The following KRTAP20-2 variants were observed in gnomAD, a reference collection of about 807,000 sequenced individuals.
KRTAP20-2 encodes the protein keratin-associated protein 20-2.
A neutral mutation model predicts 5.2 loss-of-function variants in KRTAP20-2; 7 were observed. That is an observed-to-expected ratio of 1.36 (90% confidence interval 0.77 to 2.55). The LOEUF (loss-of-function observed/expected upper bound fraction) is 2.55. KRTAP20-2 is among the 30% of genes most tolerant of loss of function. The pLI is 0.00. For missense variants in KRTAP20-2, 84 were observed against 84.0 expected (o/e 1.00, Z 0.00); for synonymous variants, 32 against 33.7 (o/e 0.95, Z 0.17).
Position 30,635,534 on chromosome 21 carries a change from A to G in KRTAP20-2, c.*73A>G. The G allele has an allele frequency of 4.2e-6, 6 of 1,417,748 alleles. No individual in the cohort carries two copies. Among genetic ancestry groups the G allele is most frequent in the Non-Finnish European group, 5.9e-6 (6 of 1,015,026 alleles). 87.8% of individuals were successfully genotyped at this position (1,417,748 alleles called of 1,614,324 possible). On this transcript the variant is annotated 3_prime_UTR_variant, in exon 1 of 1. Transcript: ENST00000330798. ...TAAATTTGCCTTCATAATTCTTCATATGAGTAATTCATTTTTCTGTTGTAA... is the reference window on the plus strand; with the variant it reads ...TAAATTTGCCTTCATAATTCTTCATGTGAGTAATTCATTTTTCTGTTGTAA...
rs1981156443 is a variant in KRTAP20-2, at chr21:30,635,543, T to C, written c.*82T>C. ...CTTCATAATTCTTCATATGAGTAAT[T>C]CATTTTTCTGTTGTAAAATGTCAAC... On this transcript the variant is annotated 3_prime_UTR_variant, in exon 1 of 1. Coordinates refer to ENST00000330798, the MANE Select transcript of KRTAP20-2 (RefSeq NM_181616.3). 7.3e-7 allele frequency: 1 copy of C among 1,363,818 alleles called. No individual in the cohort carries two copies. 84.5% of individuals were successfully genotyped at this position (1,363,818 alleles called of 1,614,324 possible).
chr21:30,635,355 G>T lies in KRTAP20-2; in HGVS notation c.92G>T (p.Gly31Val), dbSNP rs1343261495. Residue 31 changes from glycine (G) to valine (V), a missense_variant, in exon 1 of 1, where the codon GGC becomes GTC. By Grantham distance (109) the Gly-to-Val change is moderately radical. Coordinates refer to ENST00000330798, the MANE Select transcript of KRTAP20-2 (RefSeq NM_181616.3). ...GYGCGCGYGH[G>V]YGGLGCGYGR... ...GGCTGTGGCTGTGGTTATGGCCATGGCTATGGAGGCCTGGGCTGTGGCTAT... is the reference window on the plus strand; with the variant it reads ...GGCTGTGGCTGTGGTTATGGCCATGTCTATGGAGGCCTGGGCTGTGGCTAT... 1 of 1,611,422 alleles carries T rather than the reference G, an allele frequency of 6.2e-7. No individual in the cohort carries two copies. Among genetic ancestry groups the T allele is most frequent in the South Asian group, 1.1e-5 (1 of 91,022 alleles).
Position 30,635,581 on chromosome 21 carries a change from T to A in KRTAP20-2, c.*120T>A. The A allele has an allele frequency of 3.1e-6, 3 of 973,092 alleles. No individual in the cohort carries two copies. The highest frequency in any genetic ancestry group is 4.4e-5 in the Admixed American group (2 of 45,328). The allele number at this position is 973,092 out of a possible 1,614,324, so 60.3% of individuals were successfully genotyped here. A position where few individuals can be genotyped will look rare whatever the true frequency, so the allele number is the denominator to read the frequency against. ...GTAAAATGTCAACATCATCCTTAAGTATCTGGAAGAAAAAATAGGTCAGAT... is the reference window on the plus strand; with the variant it reads ...GTAAAATGTCAACATCATCCTTAAGAATCTGGAAGAAAAAATAGGTCAGAT... On this transcript the variant is annotated 3_prime_UTR_variant, in exon 1 of 1. Transcript: ENST00000330798.
At position 30,635,288 on chromosome 21, in the gene KRTAP20-2, G is replaced by A. The variant is rs1863886188; in HGVS notation, c.25G>A (p.Gly9Ser). 2 of 1,614,010 alleles carry A rather than the reference G, an allele frequency of 1.2e-6. No homozygotes were observed. Among genetic ancestry groups the A allele is most frequent in the South Asian group, 1.1e-5 (1 of 91,088 alleles). Reference sequence around the variant, plus strand: ...CATGTGCTACTACAGCAACTACTATGGTGGTCTGCGTTATGGCTATGGAGT... The same window carrying A: ...CATGTGCTACTACAGCAACTACTATAGTGGTCTGCGTTATGGCTATGGAGT... MCYYSNYY[G>S]GLRYGYGVLG... The change falls in exon 1 of 1, where the codon GGT becomes AGT. Residue 9 changes from glycine (G) to serine (S), a missense_variant. Gly to Ser is a moderately conservative substitution (Grantham distance 56). Transcript: ENST00000330798.
chr21:30,635,553 G>A lies in KRTAP20-2; in HGVS notation c.*92G>A. 7.9e-7 allele frequency: 1 copy of A among 1,263,066 alleles called. No homozygotes were observed. The highest frequency in any genetic ancestry group is 1.1e-6 in the Non-Finnish European group (1 of 885,106). The allele number at this position is 1,263,066 out of a possible 1,614,324, so 78.2% of individuals were successfully genotyped here. ...CTTCATATGAGTAATTCATTTTTCT[G>A]TTGTAAAATGTCAACATCATCCTTA... On this transcript the variant is annotated 3_prime_UTR_variant, in exon 1 of 1. Coordinates refer to ENST00000330798, the MANE Select transcript of KRTAP20-2 (RefSeq NM_181616.3).
rs768785920 is a variant in KRTAP20-2, at chr21:30,635,504, C to A, written c.*43C>A. On this transcript the variant is annotated 3_prime_UTR_variant, in exon 1 of 1. Coordinates refer to ENST00000330798, the MANE Select transcript of KRTAP20-2 (RefSeq NM_181616.3). ...AACCTCGTGGTCTCTTCCACATGGA[C>A]TTCCTAAATTTGCCTTCATAATTCT... is the stretch of plus-strand genomic sequence containing the variant. 1.0e-5 allele frequency: 16 copies of A among 1,593,508 alleles called. No homozygotes were observed. The highest frequency in any genetic ancestry group is 3.4e-5 in the Admixed American group (2 of 58,432).
In KRTAP20-2 at chr21:30,635,323, T is replaced by C; in HGVS notation, c.60T>C (p.Gly20=). The C allele has an allele frequency of 6.2e-7, 1 of 1,613,582 alleles. No individual in the cohort carries two copies. The highest frequency in any genetic ancestry group is 8.5e-7 in the Non-Finnish European group (1 of 1,179,526). The change falls in exon 1 of 1, where the codon GGT becomes GGC. Residue 20 remains glycine, a synonymous_variant. Coordinates refer to ENST00000330798, the MANE Select transcript of KRTAP20-2 (RefSeq NM_181616.3). ...GLRYGYGVLG[G]GYGCGCGYGH... is the part of the protein sequence containing the mutation. ...GTTATGGCTATGGAGTCCTGGGCGG[T>C]GGCTATGGCTGTGGCTGTGGTTATG...
chr21:30,635,352 A>G lies in KRTAP20-2; in HGVS notation c.89A>G (p.His30Arg), dbSNP rs1383149299. The G allele has an allele frequency of 4.3e-6, 7 of 1,610,356 alleles. No homozygotes were observed. Among genetic ancestry groups the G allele is most frequent in the Non-Finnish European group, 5.9e-6 (7 of 1,176,572 alleles). Residue 30 changes from histidine to arginine, a missense_variant, in exon 1 of 1, where the codon CAT becomes CGT. By Grantham distance (29) the His-to-Arg change is conservative. Coordinates refer to ENST00000330798, the MANE Select transcript of KRTAP20-2 (RefSeq NM_181616.3). The stretch of plus-strand genomic sequence containing the variant: ...TATGGCTGTGGCTGTGGTTATGGCC[A>G]TGGCTATGGAGGCCTGGGCTGTGGC... ...GGYGCGCGYGHGYGGLGCGYG... is the reference protein window; with the variant it reads ...GGYGCGCGYGRGYGGLGCGYG...
In KRTAP20-2 at chr21:30,635,402, G is replaced by A. The variant is rs1981151224; in HGVS notation, c.139G>A (p.Gly47Arg). 2 of 1,613,960 alleles carry A rather than the reference G, an allele frequency of 1.2e-6. No homozygotes were observed. Among genetic ancestry groups the A allele is most frequent in the Non-Finnish European group, 1.7e-6 (2 of 1,179,798 alleles). Residue 47 changes from glycine (G) to arginine (R), a missense_variant, in exon 1 of 1, where the codon GGA (glycine) becomes AGA (arginine). Transcript: ENST00000330798. ...CGYGRGYGGY[G>R]YGCCRPSCYG... ...CTATGGCCGTGGCTATGGTGGCTAT[G>A]GATATGGCTGCTGCCGCCCATCTTG... is the stretch of plus-strand genomic sequence containing the variant.
Position 30,635,267 on chromosome 21 carries a change from T to C in KRTAP20-2, c.4T>C (p.Cys2Arg). The C allele has an allele frequency of 6.2e-7, 1 of 1,614,064 alleles. No homozygotes were observed. Among genetic ancestry groups the C allele is most frequent in the Middle Eastern group, 1.7e-4 (1 of 6,058 alleles). Reference protein sequence around the residue: MCYYSNYYGGLR... With the variant: MRYYSNYYGGLR... ...CAAATCCTCCACTCTTGAAACCATGTGCTACTACAGCAACTACTATGGTGG... is the reference window on the plus strand; with the variant it reads ...CAAATCCTCCACTCTTGAAACCATGCGCTACTACAGCAACTACTATGGTGG... Residue 2 changes from cysteine to arginine, a missense_variant, in exon 1 of 1, where the codon TGC becomes CGC. By Grantham distance (180) the Cys-to-Arg change is radical. Transcript: ENST00000330798.
chr21:30,635,584 C>G lies in KRTAP20-2; in HGVS notation c.*123C>G. 1 of 963,438 alleles carries G rather than the reference C, an allele frequency of 1.0e-6. No homozygotes were observed. Among genetic ancestry groups the G allele is most frequent in the South Asian group, 1.6e-5 (1 of 63,472 alleles). The allele number at this position is 963,438 out of a possible 1,614,324, so 59.7% of individuals were successfully genotyped here. A position where few individuals can be genotyped will look rare whatever the true frequency, so the allele number is the denominator to read the frequency against. On this transcript the variant is annotated 3_prime_UTR_variant, in exon 1 of 1. Transcript: ENST00000330798. ...AAATGTCAACATCATCCTTAAGTAT[C>G]TGGAAGAAAAAATAGGTCAGATGCT...
rs1981154666 is a variant in KRTAP20-2 at position 30,635,482 on chromosome 21, C to T, written c.*21C>T. ...ACTGAGAAATATCTGGCAACTCAAC[C>T]TCGTGGTCTCTTCCACATGGACTTC... On this transcript the variant is annotated 3_prime_UTR_variant, in exon 1 of 1. Transcript: ENST00000330798. 1.2e-6 allele frequency: 2 copies of T among 1,612,618 alleles called. No individual in the cohort carries two copies. The highest frequency in any genetic ancestry group is 4.5e-5 in the East Asian group (2 of 44,852).
chr21:30,635,412 G>C lies in KRTAP20-2; in HGVS notation c.149G>C (p.Cys50Ser), dbSNP rs1303413749. 2 of 1,614,076 alleles carry C rather than the reference G, an allele frequency of 1.2e-6. No homozygotes were observed. Among genetic ancestry groups the C allele is most frequent in the Non-Finnish European group, 1.7e-6 (2 of 1,179,894 alleles). Residue 50 changes from cysteine (C) to serine (S), a missense_variant, in exon 1 of 1, where the codon TGC (cysteine) becomes TCC (serine). Transcript: ENST00000330798. ...GGCTATGGTGGCTATGGATATGGCT[G>C]CTGCCGCCCATCTTGCTATGGAAGA... ...GRGYGGYGYG[C>S]CRPSCYGRYW...
chr21:30,635,247 C>A lies in KRTAP20-2; in HGVS notation c.-17C>A, dbSNP rs375368313. On this transcript the variant is annotated 5_prime_UTR_variant, in exon 1 of 1. Coordinates refer to ENST00000330798, the MANE Select transcript of KRTAP20-2 (RefSeq NM_181616.3). The stretch of plus-strand genomic sequence containing the variant: ...CTGATTCCTTGCTCCTCAACCAAAT[C>A]CTCCACTCTTGAAACCATGTGCTAC... 9 of 1,613,082 alleles carry A rather than the reference C, an allele frequency of 5.6e-6. No individual in the cohort carries two copies. In the African/African-American group the frequency reaches 1.2e-4, roughly 22 times the overall value.
In KRTAP20-2 at chr21:30,635,507, C is replaced by T; in HGVS notation, c.*46C>T. On this transcript the variant is annotated 3_prime_UTR_variant, in exon 1 of 1. Transcript: ENST00000330798. ...CTCGTGGTCTCTTCCACATGGACTT[C>T]CTAAATTTGCCTTCATAATTCTTCA... 6 of 1,581,832 alleles carry T rather than the reference C, an allele frequency of 3.8e-6. No individual in the cohort carries two copies. Among genetic ancestry groups the T allele is most frequent in the Non-Finnish European group, 5.2e-6 (6 of 1,155,214 alleles).
chr21:30,635,601 T>A lies in KRTAP20-2; in HGVS notation c.*140T>A. On this transcript the variant is annotated 3_prime_UTR_variant, in exon 1 of 1. Transcript: ENST00000330798. ...TTAAGTATCTGGAAGAAAAAATAGG[T>A]CAGATGCTGCAAGCCTCATCTAGAG... 1 of 780,720 alleles carries A rather than the reference T, an allele frequency of 1.3e-6. No homozygotes were observed. The highest frequency in any genetic ancestry group is 2.1e-6 in the Non-Finnish European group (1 of 466,746). The allele number at this position is 780,720 out of a possible 1,614,324, so 48.4% of individuals were successfully genotyped here.
chr21:30,635,507 C>G lies in KRTAP20-2; in HGVS notation c.*46C>G. On this transcript the variant is annotated 3_prime_UTR_variant, in exon 1 of 1. Transcript: ENST00000330798. ...CTCGTGGTCTCTTCCACATGGACTT[C>G]CTAAATTTGCCTTCATAATTCTTCA... The G allele has an allele frequency of 3.2e-6, 5 of 1,581,832 alleles. No homozygotes were observed. Among genetic ancestry groups the G allele is most frequent in the Non-Finnish European group, 4.3e-6 (5 of 1,155,214 alleles).
At position 30,635,231 on chromosome 21, in the gene KRTAP20-2, T is replaced by G; in HGVS notation, c.-33T>G. On this transcript the variant is annotated 5_prime_UTR_variant, in exon 1 of 1. Transcript: ENST00000330798. ...ATTCAAACTGAAGAAACTGATTCCT[T>G]GCTCCTCAACCAAATCCTCCACTCT... The G allele has an allele frequency of 1.2e-6, 2 of 1,611,336 alleles. No individual in the cohort carries two copies. The highest frequency in any genetic ancestry group is 1.3e-5 in the African/African-American group (1 of 75,012).
chr21:30,635,248 C>T lies in KRTAP20-2; in HGVS notation c.-16C>T, dbSNP rs1243699165. The T allele has an allele frequency of 1.9e-6, 3 of 1,613,226 alleles. No individual in the cohort carries two copies. The highest frequency in any genetic ancestry group is 1.3e-5 in the African/African-American group (1 of 75,036). The stretch of plus-strand genomic sequence containing the variant: ...TGATTCCTTGCTCCTCAACCAAATC[C>T]TCCACTCTTGAAACCATGTGCTACT... On this transcript the variant is annotated 5_prime_UTR_variant, in exon 1 of 1. Coordinates refer to ENST00000330798, the MANE Select transcript of KRTAP20-2 (RefSeq NM_181616.3).
Sources: allele counts gnomAD v4.1 joint callset, GRCh38; gene constraint gnomAD v4.1.1; transcripts MANE v1.5; gene names NCBI Gene and HGNC (gene_info 2026-07-23, HGNC 2026-07-21).